The following RCOR1 variants were observed in gnomAD, a reference collection of about 807,000 sequenced individuals.
RCOR1 encodes the protein REST corepressor.
A neutral mutation model predicts 64.0 loss-of-function variants in RCOR1; 12 were observed. That is an observed-to-expected ratio of 0.19 (90% CI 0.12 to 0.30). RCOR1 has a LOEUF of 0.30. Ranked by LOEUF, RCOR1 falls within the 10% of genes least tolerant of loss-of-function variation. RCOR1 has a pLI of 1.00. For synonymous variants in RCOR1, 279 were observed against 227.2 expected (o/e 1.23, Z -2.05); for missense variants, 502 against 621.2 (o/e 0.81, Z 2.04).
chr14:102,597,948 G>C (rs557965499), intron 2 of RCOR1, among the ~76,000 whole-genome samples: 1 of 151,294 alleles, frequency 6.6e-6, no homozygotes, highest in Non-Finnish European at 1.5e-5. Flanking sequence ...TCAGCCTCCC[G>C]AGTAGCCGGG....
At chr14:102,618,133 C>T (rs1893802416) in intron 2 of RCOR1, among the ~76,000 whole-genome samples, 1 of 151,850 alleles carries the variant, frequency 6.6e-6, no homozygotes, top group African/African-American at 2.4e-5. Flanking sequence ...CCCACCACGT[C>T]TGGCTAATTT....
chr14:102,630,308 G>A (rs1290045395), intron 2 of RCOR1, among the ~76,000 whole-genome samples: 1 of 152,180 alleles, frequency 6.6e-6, no homozygotes, highest in Non-Finnish European at 1.5e-5. Context: ...TCCGCCATGT[G>A]TGGAAGCAGC....
chr14:102,660,992 AAG>A (rs1350550399), intron 2 of RCOR1, among the ~76,000 whole-genome samples: 3 of 152,162 alleles, frequency 2.0e-5, no homozygotes, highest in African/African-American at 7.2e-5. Context: ...AAGCACTGTA[AAG>A]AGAGAATGTG....
intron 2 of RCOR1, among the ~76,000 whole-genome samples, chr14:102,659,614 T>G (rs553782123): frequency 5.4e-4 from 83 of 152,354 alleles, no homozygotes; most frequent in Non-Finnish European, 1.1e-3. Context: ...TTCCCCACCT[T>G]TAAGTAAACT....
chr14:102,674,740 T>C (rs950567651), intron 2 of RCOR1, among the ~76,000 whole-genome samples: 2 of 152,184 alleles, frequency 1.3e-5, no homozygotes, highest in Admixed American at 1.3e-4. Flanking sequence ...TTATTCCAGA[T>C]AGGTCTGGGC....
intron 2 of RCOR1, among the ~76,000 whole-genome samples, chr14:102,604,023 A>G (rs141002797): frequency 8.8e-4 from 134 of 152,286 alleles, no homozygotes; most frequent in African/African-American, 3.2e-3. Flanking sequence ...AGGAAGGGAT[A>G]AAAATACATT....
intron 3 of RCOR1, among the ~76,000 whole-genome samples, chr14:102,693,973 T>TA (rs1156303429): frequency 6.6e-6 from 1 of 152,156 alleles, no homozygotes; most frequent in East Asian, 1.9e-4. Context: ...TTACAGGCTA[T>TA]AAGTGTGAGC....
chr14:102,620,252 C>CA (rs565606789), intron 2 of RCOR1, among the ~76,000 whole-genome samples: 18,869 of 151,534 alleles, frequency 0.12, 1,372 homozygotes, highest in African/African-American at 0.2. Context: ...CACACACACA[C>CA]CCCCCCACAC....
rs1464394523 is a variant in RCOR1 at position 102,714,573 on chromosome 14, G to A, written c.1009G>A (p.Val337Met). ...VSANATAATTVLRQLDMELVS... is the reference protein window; with the variant it reads ...VSANATAATTMLRQLDMELVS... ...TGCCAATGCCACTGCTGCTACCACG[G>A]TGCTGAGACAACTAGACATGGAATT... Residue 337 changes from valine to methionine, a missense_variant, in exon 8 of 12, where the codon GTG (valine) becomes ATG (methionine). Around this residue, in one of 2 missense-constraint regions of RCOR1, gnomAD observed 260 missense variants for 416.4 expected, o/e 0.62. Coordinates refer to ENST00000262241, the MANE Select transcript of RCOR1 (RefSeq NM_015156.4). The A allele has an allele frequency of 6.2e-7, 1 of 1,612,448 alleles. No individual in the cohort carries two copies. Among genetic ancestry groups the A allele is most frequent in the Non-Finnish European group, 8.5e-7 (1 of 1,178,866 alleles).
chr14:102,611,382 C>G (rs1595193773), intron 2 of RCOR1, among the ~76,000 whole-genome samples: 1 of 152,124 alleles, frequency 6.6e-6, no homozygotes, highest in East Asian at 1.9e-4. Context: ...GCCTATAGTT[C>G]TTTTAATGCC....
rs535009306 is a variant in RCOR1, at chr14:102,595,882, A to G, written c.361+2557A>G. 8.6e-5 allele frequency among the ~76,000 whole-genome samples: 13 copies of G among 151,038 alleles called. No homozygotes were observed. In the South Asian group the frequency reaches 2.1e-3, roughly 24 times the overall value. On this transcript the variant is annotated intron_variant, in intron 2 of 11. Coordinates refer to ENST00000262241, the MANE Select transcript of RCOR1 (RefSeq NM_015156.4). ...GCATGTGCCACCGCGCCCGGCCCCA[A>G]ATTTCTTTATTTTGTGTTTGTTTTA...
At chr14:102,722,707 G>A (rs1198509684) in intron 11 of RCOR1, among the ~76,000 whole-genome samples, 1 of 152,202 alleles carries the variant, frequency 6.6e-6, no homozygotes, top group Non-Finnish European at 1.5e-5. Context: ...AATCTTGAGT[G>A]ACAAAGACAG....
chr14:102,621,070 A>G (rs540643551), intron 2 of RCOR1, among the ~76,000 whole-genome samples: 1 of 152,318 alleles, frequency 6.6e-6, no homozygotes, highest in South Asian at 2.1e-4. Context: ...CCTGAGCCCA[A>G]GCTATCCTCC....
intron 2 of RCOR1, among the ~76,000 whole-genome samples, chr14:102,620,249 A>C (rs1016810026): frequency 6.0e-5 from 9 of 149,372 alleles, no homozygotes; most frequent in Non-Finnish European, 1.2e-4. Context: ...ACACACACAC[A>C]CACCCCCCCA....
At chr14:102,619,473 C>CTTTTTT (rs35488660) in intron 2 of RCOR1, among the ~76,000 whole-genome samples, 2 of 131,224 alleles carry the variant, frequency 1.5e-5, no homozygotes, top group South Asian at 2.4e-4. Context: ...TCTATCTAAT[C>CTTTTTT]TTTTTTTTTT....
intron 2 of RCOR1, among the ~76,000 whole-genome samples, chr14:102,613,891 T>C (rs1224874251): frequency 7.1e-6 from 1 of 141,008 alleles, no homozygotes; most frequent in African/African-American, 2.6e-5. Context: ...TATTCTTTTT[T>C]TTTTTTTTTT....
chr14:102,691,319 G>A (rs77602604), intron 3 of RCOR1, among the ~76,000 whole-genome samples: 144 of 152,062 alleles, frequency 9.5e-4, no homozygotes, highest in Non-Finnish European at 1.5e-3. Context: ...CCTAGGATGG[G>A]GAGAGGTGGG....
At chr14:102,617,592 T>C (rs866368796) in intron 2 of RCOR1, among the ~76,000 whole-genome samples, 70 of 144,298 alleles carry the variant, frequency 4.9e-4, no homozygotes, top group African/African-American at 6.5e-4. Context: ...TCTTTCTTTT[T>C]TTTTTTTTTT....
At chr14:102,716,444 A>G (rs150427755) in intron 8 of RCOR1, among the ~76,000 whole-genome samples, 73 of 152,324 alleles carry the variant, frequency 4.8e-4, no homozygotes, top group African/African-American at 1.6e-3. Context: ...ACCTTTCTCA[A>G]GGTCATGACG....
Sources: allele counts gnomAD v4.1 joint callset (sites outside exome capture counted in the v4.1 genomes callset), GRCh38; gene constraint gnomAD v4.1.1; regional missense constraint gnomAD v4.1.1; transcripts MANE v1.5; gene names NCBI Gene and HGNC (gene_info 2026-07-23, HGNC 2026-07-21).